The following SYT13 variants were observed in gnomAD, a reference collection of about 807,000 sequenced individuals.
SYT13 encodes synaptotagmin-13.
SYT13 carries 21 observed loss-of-function variants against 38.6 expected under a neutral mutation model. That is an observed-to-expected ratio of 0.54 (90% confidence interval 0.39 to 0.78). SYT13 has a LOEUF of 0.78. Among genes scored for constraint, SYT13 ranks in the 30% least tolerant of loss-of-function variants. The pLI, the probability that SYT13 is intolerant of heterozygous loss-of-function variation, is 0.00. For missense variants in SYT13, 495 were observed against 548.7 expected (o/e 0.90, Z 0.98); for synonymous variants, 241 against 237.6 (o/e 1.01, Z -0.13).
rs377187624 is a variant in SYT13 at position 45,285,334 on chromosome 11, T to C, written c.183+691A>G. Among the ~76,000 whole-genome samples, 10 of 152,332 alleles carry C rather than the reference T, an allele frequency of 6.6e-5. No individual in the cohort carries two copies. In the South Asian group the frequency reaches 1.0e-3, roughly 16 times the overall value. ...CAAATGCATGGGATAAAAGCCCTCC[T>C]GTCTCCAGGGACGTCTGCAGAGACA... On this transcript the variant is annotated intron_variant, in intron 1 of 5. Transcript: ENST00000020926.
At chr11:45,264,850 G>T (rs1854862432) in intron 1 of SYT13, among the ~76,000 whole-genome samples, 1 of 152,216 alleles carries the variant, frequency 6.6e-6, no homozygotes, top group Non-Finnish European at 1.5e-5. Flanking sequence ...ACACTAGTGT[G>T]GACAAGGATG....
intron 1 of SYT13, among the ~76,000 whole-genome samples, chr11:45,281,304 T>C (rs960106297): frequency 1.5e-4 from 23 of 152,338 alleles, no homozygotes; most frequent in Admixed American, 5.9e-4. Context: ...ATCCCGACTC[T>C]GCTGGAAAGA....
intron 1 of SYT13, among the ~76,000 whole-genome samples, chr11:45,281,261 T>C (rs1325039766): frequency 6.6e-6 from 1 of 152,122 alleles, no homozygotes; most frequent in African/African-American, 2.4e-5. Context: ...TTAGAACTAA[T>C]CTACTAGAGT....
intron 1 of SYT13, among the ~76,000 whole-genome samples, chr11:45,285,521 C>T (rs1330255585): frequency 6.6e-6 from 1 of 152,116 alleles, no homozygotes; most frequent in African/African-American, 2.4e-5. Context: ...TCTGGCTTTG[C>T]AGGCATTACC....
intron 1 of SYT13, among the ~76,000 whole-genome samples, chr11:45,267,165 C>G (rs1418517646): frequency 1.3e-5 from 2 of 152,186 alleles, no homozygotes; most frequent in African/African-American, 4.8e-5. Flanking sequence ...TCTTGGCCCG[C>G]TAGGGGGCGG....
At chr11:45,272,625 G>C (rs567475049) in intron 1 of SYT13, among the ~76,000 whole-genome samples, 1 of 152,192 alleles carries the variant, frequency 6.6e-6, no homozygotes, top group African/African-American at 2.4e-5. Context: ...TACATGGGCT[G>C]ACAATCAAAC....
At chr11:45,284,678 T>A (rs1336671423) in intron 1 of SYT13, among the ~76,000 whole-genome samples, 6 of 152,038 alleles carry the variant, frequency 3.9e-5, no homozygotes, top group Non-Finnish European at 5.9e-5. Flanking sequence ...TGGAGAGACA[T>A]CACTGAAAGG....
At chr11:45,279,457 C>A (rs962632607) in intron 1 of SYT13, among the ~76,000 whole-genome samples, 1 of 152,086 alleles carries the variant, frequency 6.6e-6, no homozygotes, top group Non-Finnish European at 1.5e-5. Flanking sequence ...TACGGTGGCA[C>A]ATGACTGTAT....
At chr11:45,245,831 A>C (rs1854608036) in intron 5 of SYT13, among the ~76,000 whole-genome samples, 1 of 152,236 alleles carries the variant, frequency 6.6e-6, no homozygotes, top group Non-Finnish European at 1.5e-5. Context: ...ACCTTCTGCC[A>C]TCACCCACAC....
chr11:45,251,144 C>T (rs1164151009), intron 4 of SYT13, among the ~76,000 whole-genome samples: 1 of 151,954 alleles, frequency 6.6e-6, no homozygotes, highest in Non-Finnish European at 1.5e-5. Flanking sequence ...AATCCCAGGA[C>T]TTTGGGAGGC....
intron 1 of SYT13, among the ~76,000 whole-genome samples, chr11:45,259,812 C>T (rs775911287): frequency 1.6e-4 from 24 of 152,144 alleles, no homozygotes; most frequent in Admixed American, 5.2e-4. Context: ...GGACAGGAAG[C>T]GGGTGGCCCT....
intron 3 of SYT13, among the ~76,000 whole-genome samples, chr11:45,253,469 G>A (rs1012801258): frequency 6.6e-6 from 1 of 152,172 alleles, no homozygotes; most frequent in Non-Finnish European, 1.5e-5. Flanking sequence ...TAAAGTATAG[G>A]AGGAAGGTGC....
At chr11:45,276,865 T>C (rs1023594492) in intron 1 of SYT13, among the ~76,000 whole-genome samples, 2 of 152,156 alleles carry the variant, frequency 1.3e-5, no homozygotes, top group Non-Finnish European at 2.9e-5. Flanking sequence ...ATGTTAAATA[T>C]AGAATTACCA....
rs544931138 is a variant in SYT13 at position 45,271,857 on chromosome 11, T to A, written c.183+14168A>T. On this transcript the variant is annotated intron_variant, in intron 1 of 5. Coordinates refer to ENST00000020926, the MANE Select transcript of SYT13 (RefSeq NM_020826.3). The stretch of plus-strand genomic sequence containing the variant: ...AAGAAAAATACACTTCAACTATAAC[T>A]TCTCAGGCTTCCCTTTCCAAAAAAG... Among the ~76,000 whole-genome samples the A allele has an allele frequency of 2.0e-5, 3 of 152,240 alleles. No homozygotes were observed. In the South Asian group the frequency reaches 6.2e-4, roughly 32 times the overall value.
At chr11:45,246,567 C>G in intron 4 of SYT13, 55 bp from the exon 5 acceptor site, 1 of 1,589,264 alleles carries the variant, frequency 6.3e-7, no homozygotes, top group Non-Finnish European at 8.6e-7. Flanking sequence ...CGCCTTCCAA[C>G]CCATCAACAA....
At position 45,241,098 on chromosome 11, in the gene SYT13, G is replaced by A. The variant is rs1854545062; in HGVS notation, c.*2954C>T. The stretch of plus-strand genomic sequence containing the variant: ...CATCTGTTGATTACATTTACATGGA[G>A]AGCAATGAGTTGCCATTAGGCAAAT... On this transcript the variant is annotated 3_prime_UTR_variant, in exon 6 of 6. Coordinates refer to ENST00000020926, the MANE Select transcript of SYT13 (RefSeq NM_020826.3). The A allele has an allele frequency of 2.6e-5, 4 of 152,202 alleles. No homozygotes were observed. Among genetic ancestry groups the A allele is most frequent in the African/African-American group, 7.2e-5 (3 of 41,446 alleles). The allele number at this position is 152,202 out of a possible 1,614,324, so 9.4% of individuals were successfully genotyped here.
intron 2 of SYT13, among the ~76,000 whole-genome samples, chr11:45,255,370 C>G (rs2135892674): frequency 6.6e-6 from 1 of 152,270 alleles, no homozygotes; most frequent in Admixed American, 6.5e-5. Context: ...ACCCTTGACT[C>G]TGAAGCCCAT....
At chr11:45,253,033 G>T (rs1854698530) in intron 3 of SYT13, among the ~76,000 whole-genome samples, 1 of 152,148 alleles carries the variant, frequency 6.6e-6, no homozygotes, top group Non-Finnish European at 1.5e-5. Flanking sequence ...GCTGCTGGGG[G>T]CCTTTATTAG....
Position 45,241,914 on chromosome 11 carries a change from CAATTATCCAAA to C in SYT13, c.*2127_*2137del, listed in dbSNP as rs1854556429. 1 of 152,176 alleles carries C rather than the reference CAATTATCCAAA, an allele frequency of 6.6e-6. No individual in the cohort carries two copies. The highest frequency in any genetic ancestry group is 6.5e-5 in the Admixed American group (1 of 15,280). 9.4% of individuals were successfully genotyped at this position (152,176 alleles called of 1,614,324 possible). A position where few individuals can be genotyped will look rare whatever the true frequency, so the allele number is the denominator to read the frequency against. ...GGCCAACCTCAGTGATGAAGGTTTC[CAATTATCCAAA>C]AGACTTCTCATGAAAGAGGGATTCG... is the stretch of plus-strand genomic sequence containing the variant. On this transcript the variant is annotated 3_prime_UTR_variant, in exon 6 of 6. Coordinates refer to ENST00000020926, the MANE Select transcript of SYT13 (RefSeq NM_020826.3).
Sources: allele counts gnomAD v4.1 joint callset (sites outside exome capture counted in the v4.1 genomes callset), GRCh38; gene constraint gnomAD v4.1.1; transcripts MANE v1.5; gene names NCBI Gene and HGNC (gene_info 2026-07-23, HGNC 2026-07-21).